Variants in DRC1 observed in about 807,000 individuals in gnomAD.
The protein encoded by DRC1 is dynein regulatory complex subunit 1.
Under a neutral mutation model 98.7 loss-of-function variants are expected in DRC1, and 74 were observed. The ratio of observed to expected loss-of-function variants is 0.75; its 90% CI spans 0.62 to 0.91. The LOEUF (loss-of-function observed/expected upper bound fraction) is 0.91. Among genes scored for constraint, DRC1 ranks in the 40% least tolerant of loss-of-function variants. The pLI is 0.00. For synonymous variants in DRC1, 336 were observed against 334.1 expected (o/e 1.01, Z -0.06); for missense variants, 875 against 886.0 (o/e 0.99, Z 0.16).
chr2:26,448,658 T>C, intron 10 of DRC1, 33 bp from the exon 11 acceptor site: 2 of 1,602,242 alleles, frequency 1.2e-6, no homozygotes, highest in Non-Finnish European at 1.7e-6. Flanking sequence ...ATCTTCTTTT[T>C]CTTTCTCTCT....
At position 26,453,455 on chromosome 2, in the gene DRC1, G is replaced by A. The variant is rs1664060049; in HGVS notation, c.1825G>A (p.Glu609Lys). 1 of 1,614,048 alleles carries A rather than the reference G, an allele frequency of 6.2e-7. No individual in the cohort carries two copies. Among genetic ancestry groups the A allele is most frequent in the Non-Finnish European group, 8.5e-7 (1 of 1,179,932 alleles). ...EESLVEGEKE[E>K]EEETPPSPWV... ...AAGCCTGGTGGAAGGGGAGAAGGAG[G>A]AAGAGGAGGAGACCCCACCCTCCCC... Residue 609 changes from glutamate (E) to lysine (K), a missense_variant, in exon 14 of 17, where the codon GAA (glutamate) becomes AAA (lysine). By Grantham distance (56) the Glu-to-Lys change is moderately conservative. Transcript: ENST00000288710.
chr2:26,430,956 A>ATTTTT, intron 6 of DRC1, 84 bp downstream of exon 6: 1 of 572,472 alleles, frequency 1.7e-6, no homozygotes, highest in Non-Finnish European at 2.5e-6. Flanking sequence ...GCCTTTTTCT[A>ATTTTT]TCTTTTTTTT....
In DRC1 at chr2:26,456,513, A is replaced by G. The variant is rs1664180787; in HGVS notation, c.2219A>G (p.Lys740Arg). ...PPTQVLRVPT[K>R] is the part of the protein sequence containing the mutation. ...ACTCAGGTGTTGCGGGTACCCACAA[A>G]ATGAGCTGGACCGCCAAAGGCTGAT... Residue 740 changes from lysine to arginine, a missense_variant, in exon 17 of 17, where the codon AAA becomes AGA. Coordinates refer to ENST00000288710, the MANE Select transcript of DRC1 (RefSeq NM_145038.5). 6.2e-7 allele frequency: 1 copy of G among 1,614,080 alleles called. No individual in the cohort carries two copies. Among genetic ancestry groups the G allele is most frequent in the South Asian group, 1.1e-5 (1 of 91,062 alleles).
At chr2:26,429,826 G>A (rs879281199) in intron 5 of DRC1, 61 bp downstream of exon 5, 25 of 1,580,598 alleles carry the variant, frequency 1.6e-5, no homozygotes, top group Non-Finnish European at 2.0e-5. Context: ...GGAGGTCTAG[G>A]TCTGTCCTAA....
At chr2:26,447,286 G>A (rs1387038488) in intron 10 of DRC1, among the ~76,000 whole-genome samples, 2 of 151,078 alleles carry the variant, frequency 1.3e-5, no homozygotes, top group African/African-American at 2.4e-5. Context: ...GGTGGCGCGC[G>A]GCTGTAATTC....
chr2:26,454,659 C>T lies in DRC1; in HGVS notation c.1932C>T (p.Ala644=). The T allele has an allele frequency of 6.2e-7, 1 of 1,614,038 alleles. No individual in the cohort carries two copies. The highest frequency in any genetic ancestry group is 8.5e-7 in the Non-Finnish European group (1 of 1,180,014). Residue 644 remains alanine (A), a synonymous_variant, in exon 15 of 17, where the codon GCC becomes GCT. Transcript: ENST00000288710. The surrounding 1 kb of genome is among the most constrained non-coding windows in gnomAD (Gnocchi z 5.2). The part of the protein sequence containing the change: ...MGLKKPRDSR[A]PLRVQKNVRD... The stretch of plus-strand genomic sequence containing the variant: ...TCTTGGCCTTCAGGGACTCGCGGGC[C>T]CCGCTGAGGGTACAGAAGAATGTGC...
At chr2:26,427,862 G>A (rs114384970) in intron 4 of DRC1, among the ~76,000 whole-genome samples, 3,653 of 152,180 alleles carry the variant, frequency 0.024, 135 homozygotes, top group African/African-American at 0.081. Flanking sequence ...TTCATTTAAC[G>A]TAATGCCTTT....
chr2:26,444,991 C>T, intron 10 of DRC1, 43 bp downstream of exon 10: 3 of 1,593,262 alleles, frequency 1.9e-6, no homozygotes, highest in Non-Finnish European at 1.7e-6. Context: ...TGGAGGAGCC[C>T]CCTGAGAACA....
Position 26,433,168 on chromosome 2 carries a change from A to C in DRC1, c.888+1162A>C, listed in dbSNP as rs185802463. Among the ~76,000 whole-genome samples the C allele has an allele frequency of 2.0e-5, 3 of 152,338 alleles. No homozygotes were observed. In the East Asian group the frequency reaches 5.8e-4, roughly 29 times the overall value. ...ATTTCTGGTTTCTAAAGTTTTTTCC[A>C]AGCCTAGGATTCTGTTACAATACCA... On this transcript the variant is annotated intron_variant, in intron 7 of 16. Coordinates refer to ENST00000288710, the MANE Select transcript of DRC1 (RefSeq NM_145038.5).
At chr2:26,431,302 T>G (rs540519829) in intron 6 of DRC1, among the ~76,000 whole-genome samples, 2 of 152,226 alleles carry the variant, frequency 1.3e-5, no homozygotes, top group Admixed American at 1.3e-4. Context: ...GCTACTGCGT[T>G]CATTACTGCA....
chr2:26,421,805 C>A (rs548076945), intron 3 of DRC1, among the ~76,000 whole-genome samples: 92 of 152,290 alleles, frequency 6.0e-4, no homozygotes, highest in African/African-American at 2.1e-3. Context: ...CGTGATCCAC[C>A]CGCCTTGGCC....
rs974129934 is a variant in DRC1, at chr2:26,453,353, G to A, written c.1723G>A (p.Ala575Thr). 6.2e-7 allele frequency: 1 copy of A among 1,614,034 alleles called. No individual in the cohort carries two copies. Among genetic ancestry groups the A allele is most frequent in the Non-Finnish European group, 8.5e-7 (1 of 1,180,036 alleles). The change falls in exon 14 of 17, where the codon GCG (alanine) becomes ACG (threonine). Residue 575 changes from alanine to threonine, a missense_variant. Transcript: ENST00000288710. ...KPCSQASMEK[A>T]SMEETSTRSE... The stretch of plus-strand genomic sequence containing the variant: ...CTGCAGTCAGGCGAGCATGGAGAAG[G>A]CGAGCATGGAGGAGACAAGCACGAG...
At chr2:26,456,098 G>A (rs1477159098) in intron 16 of DRC1, among the ~76,000 whole-genome samples, 5 of 152,214 alleles carry the variant, frequency 3.3e-5, no homozygotes, top group Non-Finnish European at 4.4e-5. Flanking sequence ...CATTCTGGAC[G>A]GTATGGTTCC....
chr2:26,442,961 G>C (rs1023417746), intron 8 of DRC1, among the ~76,000 whole-genome samples: 1 of 152,102 alleles, frequency 6.6e-6, no homozygotes, highest in Non-Finnish European at 1.5e-5. Context: ...CTCCTTTACT[G>C]CATGACATTG....
intron 13 of DRC1, 82 bp from the exon 14 acceptor site, chr2:26,453,238 T>C: frequency 3.3e-6 from 5 of 1,530,004 alleles, no homozygotes; most frequent in East Asian, 2.3e-5. Flanking sequence ...TAAACTTTTC[T>C]GGTTTTTCTT....
At chr2:26,443,245 T>C (rs1663761559) in intron 8 of DRC1, among the ~76,000 whole-genome samples, 1 of 152,230 alleles carries the variant, frequency 6.6e-6, no homozygotes, top group African/African-American at 2.4e-5. Context: ...TCTCTGTTAC[T>C]GTGTGAATGG....
intron 2 of DRC1, among the ~76,000 whole-genome samples, chr2:26,420,740 T>C (rs904918770): frequency 3.4e-5 from 5 of 149,142 alleles, no homozygotes; most frequent in Non-Finnish European, 7.4e-5. Flanking sequence ...TCTTTCTCTT[T>C]TTCTTTTTTC....
chr2:26,450,994 T>C (rs1663993034), intron 13 of DRC1, among the ~76,000 whole-genome samples: 1 of 152,088 alleles, frequency 6.6e-6, no homozygotes, highest in African/African-American at 2.4e-5. Context: ...TTTTCTGATC[T>C]TGTGATCGTT....
chr2:26,411,617 T>C (rs925390740), intron 1 of DRC1, among the ~76,000 whole-genome samples: 2 of 152,152 alleles, frequency 1.3e-5, no homozygotes, highest in African/African-American at 4.8e-5. Flanking sequence ...GCCAACATGG[T>C]GAAACCCCAT....
Sources: gnomAD v4.1 joint callset for allele counts (sites outside exome capture counted in the v4.1 genomes callset) on GRCh38, gnomAD v4.1.1 for gene constraint, Gnocchi (gnomAD v3.1) non-coding constraint, MANE v1.5 for transcripts, NCBI Gene and HGNC (gene_info 2026-07-23, HGNC 2026-07-21) for gene names.